CYP4Z1: variants seen among roughly 807,000 people sequenced by gnomAD.
CYP4Z1 encodes the protein cytochrome P450 4Z1.
Under a neutral mutation model 54.2 loss-of-function variants are expected in CYP4Z1, and 41 were observed. That is an observed-to-expected ratio of 0.76 (90% confidence interval 0.59 to 0.98). The LOEUF (loss-of-function observed/expected upper bound fraction) is 0.98, where lower values mean the gene tolerates loss of function less well. Ranked by LOEUF, CYP4Z1 falls within the 50% of genes least tolerant of loss-of-function variation. The pLI, the probability that CYP4Z1 is intolerant of heterozygous loss-of-function variation, is 0.00. For synonymous variants in CYP4Z1, 163 were observed against 206.2 expected (o/e 0.79, Z 1.79); for missense variants, 513 against 599.0 (o/e 0.86, Z 1.50).
the CYP4Z1 span, among the ~76,000 whole-genome samples, chr1:47,059,082 C>T: frequency 6.6e-6 from 1 of 152,012 alleles, no homozygotes; most frequent in South Asian, 2.1e-4. Flanking sequence ...TTAATCTAAA[C>T]TTTAAATAGA....
intron 9 of CYP4Z1, among the ~76,000 whole-genome samples, chr1:47,113,209 T>C: frequency 6.6e-6 from 1 of 152,202 alleles, no homozygotes; most frequent in East Asian, 1.9e-4. Context: ...CTTTCTCAAG[T>C]ATTAAAGCTT....
intron 8 of CYP4Z1, among the ~76,000 whole-genome samples, chr1:47,103,595 C>CTTTTTTTTTTTTTTTTTT (rs373166937): frequency 2.1e-5 from 2 of 96,032 alleles, no homozygotes; most frequent in African/African-American, 8.2e-5. Flanking sequence ...TCTTTTTTTT[C>CTTTTTTTTTTTTTTTTTT]TTTTTTTTTT....
intron 2 of CYP4Z1, among the ~76,000 whole-genome samples, chr1:47,073,631 C>T (rs140757691): frequency 0.67 from 100,860 of 151,066 alleles, 30,062 homozygotes; most frequent in Middle Eastern, 0.78. Flanking sequence ...CATGAGCCAA[C>T]GCACCAGGCC....
intron 9 of CYP4Z1, among the ~76,000 whole-genome samples, chr1:47,113,903 T>A (rs908546057): frequency 4.6e-5 from 7 of 152,216 alleles, no homozygotes; most frequent in African/African-American, 1.4e-4. Context: ...GCCATCCCTA[T>A]CAAGCTACCA....
intron 7 of CYP4Z1, among the ~76,000 whole-genome samples, chr1:47,096,276 G>T (rs1644676119): frequency 6.6e-6 from 1 of 152,118 alleles, no homozygotes; most frequent in Non-Finnish European, 1.5e-5. Flanking sequence ...AAATTATCCA[G>T]GTGTGGCAGC....
chr1:47,068,641 T>C lies in CYP4Z1; in HGVS notation c.197T>C (p.Phe66Ser), dbSNP rs1341663166. 4 of 1,614,086 alleles carry C rather than the reference T, an allele frequency of 2.5e-6. No individual in the cohort carries two copies. Among genetic ancestry groups the C allele is most frequent in the Non-Finnish European group, 3.4e-6 (4 of 1,179,980 alleles). ...GHKEFYPVKE[F>S]EVYHKLMEKY... ...TGACAGTTTTACCCAGTAAAGGAGT[T>C]TGAGGTGTATCATAAGCTGATGGAA... Residue 66 changes from phenylalanine to serine, a missense_variant, in exon 2 of 12, where the codon TTT (phenylalanine) becomes TCT (serine). Physicochemically the swap from Phe to Ser is radical, Grantham distance 155. Transcript: ENST00000334194.
chr1:47,079,056 G>A (rs2148528081), intron 2 of CYP4Z1, among the ~76,000 whole-genome samples: 1 of 152,102 alleles, frequency 6.6e-6, no homozygotes, highest in South Asian at 2.1e-4. Context: ...ACACTTCCCT[G>A]CCCTGAGAGA....
chr1:47,088,594 A>T, intron 6 of CYP4Z1, among the ~76,000 whole-genome samples: 2 of 143,172 alleles, frequency 1.4e-5, no homozygotes, highest in Admixed American at 7.0e-5. Flanking sequence ...TGTCTATTTG[A>T]TTCTCCAATT....
Position 47,088,191 on chromosome 1 carries a change from A to C in CYP4Z1, c.772+3213A>C, listed in dbSNP as rs536899765. ...TGTGTCTCTGCCAGGCTTTGGTATC[A>C]GGATGATGCTGGCCTCATAAAATGA... On this transcript the variant is annotated intron_variant, in intron 6 of 11. Transcript: ENST00000334194. Among the ~76,000 whole-genome samples, 12 of 152,306 alleles carry C rather than the reference A, an allele frequency of 7.9e-5. No individual in the cohort carries two copies. The South Asian group carries it at 2.3e-3, about 29-fold the overall frequency.
intron 9 of CYP4Z1, among the ~76,000 whole-genome samples, chr1:47,115,256 T>C (rs548396634): frequency 1.3e-5 from 2 of 151,972 alleles, no homozygotes; most frequent in Non-Finnish European, 2.9e-5. Context: ...TGAGAACACA[T>C]TGACACAGGA....
the CYP4Z1 span, among the ~76,000 whole-genome samples, chr1:47,055,602 T>A: frequency 6.6e-6 from 1 of 152,220 alleles, no homozygotes; most frequent in African/African-American, 2.4e-5. Flanking sequence ...TCAGAGCCTG[T>A]TACTGGTCTA....
chr1:47,105,945 C>T (rs1446328232), intron 8 of CYP4Z1, among the ~76,000 whole-genome samples, 183 bp from the exon 9 acceptor site: 13 of 152,008 alleles, frequency 8.6e-5, no homozygotes, highest in Admixed American at 8.5e-4. Flanking sequence ...CTTACAGTTA[C>T]ATGTGAAAAG....
chr1:47,104,693 G>A (rs1644744966), intron 8 of CYP4Z1, among the ~76,000 whole-genome samples: 1 of 152,164 alleles, frequency 6.6e-6, no homozygotes, highest in African/African-American at 2.4e-5. Flanking sequence ...GCCAATGATA[G>A]ACTGGGCAGG....
chr1:47,107,879 T>TG (rs1271452857), intron 9 of CYP4Z1, among the ~76,000 whole-genome samples: 1 of 152,224 alleles, frequency 6.6e-6, no homozygotes, highest in Non-Finnish European at 1.5e-5. Context: ...TTGCAGCTGC[T>TG]GCGGGTAACT....
chr1:47,065,682 G>T (rs1371565921), upstream of CYP4Z1, among the ~76,000 whole-genome samples: 1 of 151,800 alleles, frequency 6.6e-6, no homozygotes, highest in Non-Finnish European at 1.5e-5. Context: ...ACAAAGATCA[G>T]GGCAGAACTA....
chr1:47,087,977 C>G (rs1013448799), intron 6 of CYP4Z1, among the ~76,000 whole-genome samples: 5 of 152,048 alleles, frequency 3.3e-5, no homozygotes, highest in Non-Finnish European at 7.4e-5. Context: ...CTTTGGTTCT[C>G]TTTATATGCT....
rs577454981 is a variant in CYP4Z1 at position 47,069,282 on chromosome 1, C to T, written c.319+519C>T. ...TGGAATTGCAGAGCTGCTTCTTGGC[C>T]GTGGCAAGATGTGTGTAGGATTCCC... On this transcript the variant is annotated intron_variant, in intron 2 of 11. Coordinates refer to ENST00000334194, the MANE Select transcript of CYP4Z1 (RefSeq NM_178134.3). Among the ~76,000 whole-genome samples the T allele has an allele frequency of 6.7e-3, 1,014 of 152,184 alleles. 10 individuals are homozygous for T. The highest frequency in any genetic ancestry group is 0.021 in the African/African-American group (863 of 41,514).
chr1:47,086,789 A>G (rs1012031256), intron 6 of CYP4Z1, among the ~76,000 whole-genome samples: 4 of 152,140 alleles, frequency 2.6e-5, no homozygotes, highest in Non-Finnish European at 5.9e-5. Context: ...CCTGAATGGT[A>G]TTGCCTAGGT....
chr1:47,067,668 G>A lies in CYP4Z1; in HGVS notation c.177+1G>A. Reference sequence around the variant, plus strand: ...CCACTGGTTCTATGGCCACAAGGAGGTAAGAGGAGAAAATTAGTTGGGGAG... The same window carrying A: ...CCACTGGTTCTATGGCCACAAGGAGATAAGAGGAGAAAATTAGTTGGGGAG... On this transcript the variant is annotated splice_donor_variant, in intron 1 of 11. Transcript: ENST00000334194. LOFTEE classifies it high-confidence loss of function. The A allele has an allele frequency of 6.3e-7, 1 of 1,594,268 alleles. No individual in the cohort carries two copies. The highest frequency in any genetic ancestry group is 8.6e-7 in the Non-Finnish European group (1 of 1,168,290).
Sources: allele counts gnomAD v4.1 joint callset (sites outside exome capture counted in the v4.1 genomes callset), GRCh38; gene constraint gnomAD v4.1.1; transcripts MANE v1.5; gene names NCBI Gene and HGNC (gene_info 2026-07-23, HGNC 2026-07-21).